The following HOTAIR variants were observed in gnomAD, a reference collection of about 807,000 sequenced individuals.
HOTAIR encodes HOX transcript antisense RNA.
chr12:53,965,324 A>T (rs1015655924), intron 5 of HOTAIR, among the ~76,000 whole-genome samples: 2 of 152,264 alleles, frequency 1.3e-5, no homozygotes, highest in Non-Finnish European at 1.5e-5. Context: ...TCTCAGTCCA[A>T]GGCCACTAGG....
exon 3 of HOTAIR, chr12:53,967,320 C>T (rs1388893739): frequency 3.3e-5 from 5 of 152,144 alleles, no homozygotes; most frequent in Admixed American, 3.3e-4. Context: ...GGTCTAAGTC[C>T]CGGGTGGGAG....
At chr12:53,972,559 C>T (rs1311097629) in intron 1 of HOTAIR, among the ~76,000 whole-genome samples, 3 of 152,182 alleles carry the variant, frequency 2.0e-5, no homozygotes, top group Non-Finnish European at 2.9e-5. Flanking sequence ...GATACTCTTC[C>T]GGGAGTCTCT....
chr12:53,973,557 C>T lies in HOTAIR; in HGVS notation n.59+1341G>A, dbSNP rs779682909. On this transcript the variant is annotated intron_variant and non_coding_transcript_variant, in intron 1 of 6. Coordinates refer to ENST00000424518, the Ensembl canonical transcript of HOTAIR. This position sits in a 1 kb window ranked among gnomAD's most constrained non-coding sequence, Gnocchi z 4.3. Reference sequence around the variant, plus strand: ...CGAGCTTATGCACCGGGAGTGCCTGCCTCCTTCCACCGTCACCGAGATCCT... The same window carrying T: ...CGAGCTTATGCACCGGGAGTGCCTGTCTCCTTCCACCGTCACCGAGATCCT... 5 of 1,613,000 alleles carry T rather than the reference C, an allele frequency of 3.1e-6. No homozygotes were observed. Among genetic ancestry groups the T allele is most frequent in the Admixed American group, 3.3e-5 (2 of 60,010 alleles).
chr12:53,966,636 A>C (rs1333442766), intron 3 of HOTAIR: 1 of 152,294 alleles, frequency 6.6e-6, no homozygotes, highest in African/African-American at 2.4e-5. Context: ...AAGATGCTGC[A>C]GTCGGTGGAA....
rs1939185013 is a variant in HOTAIR, at chr12:53,973,444, C to A, written n.59+1454G>T. 1 of 1,614,070 alleles carries A rather than the reference C, an allele frequency of 6.2e-7. No homozygotes were observed. The highest frequency in any genetic ancestry group is 1.1e-5 in the South Asian group (1 of 91,084). ...TCCTATCCCTACTCGGCCCAAGTGC[C>A]CCCGGTCCGGGAGGTCTCCTACGGC... On this transcript the variant is annotated intron_variant and non_coding_transcript_variant, in intron 1 of 6. Coordinates refer to ENST00000424518, the Ensembl canonical transcript of HOTAIR. The surrounding 1 kb of genome is among the most constrained non-coding windows in gnomAD (Gnocchi z 4.3).
chr12:53,964,035 C>T (rs908729786), exon 7 of HOTAIR: 10 of 152,314 alleles, frequency 6.6e-5, no homozygotes, highest in African/African-American at 2.2e-4. Context: ...CTTTCACCTT[C>T]GTCTGGCGCT....
intron 3 of HOTAIR, chr12:53,966,575 G>C (rs1029482997): frequency 6.6e-6 from 1 of 152,362 alleles, no homozygotes; most frequent in Non-Finnish European, 1.5e-5. Flanking sequence ...AAGAAAGGGG[G>C]AGAAGCAGGA....
Position 53,973,240 on chromosome 12 carries a change from C to A in HOTAIR, n.59+1658G>T. On this transcript the variant is annotated intron_variant and non_coding_transcript_variant, in intron 1 of 6. Coordinates refer to ENST00000424518, the Ensembl canonical transcript of HOTAIR. The surrounding 1 kb of genome is among the most constrained non-coding windows in gnomAD (Gnocchi z 4.3). ...ATCCGGAGCCGGCAGGAGAGGAGAA[C>A]GATGTTTAACTCGGTCAACCTGGGC... The A allele has an allele frequency of 6.3e-7, 1 of 1,575,372 alleles. No homozygotes were observed. Among genetic ancestry groups the A allele is most frequent in the Non-Finnish European group, 8.6e-7 (1 of 1,163,218 alleles).
chr12:53,973,817 G>T lies in HOTAIR; in HGVS notation n.59+1081C>A. The stretch of plus-strand genomic sequence containing the variant: ...CCCCGGCCTCGGGACTGGCGTCCCG[G>T]GCTGAGGCGGGTGCCGAGGCGGAGG... On this transcript the variant is annotated intron_variant and non_coding_transcript_variant, in intron 1 of 6. Coordinates refer to ENST00000424518, the Ensembl canonical transcript of HOTAIR. This position sits in a 1 kb window ranked among gnomAD's most constrained non-coding sequence, Gnocchi z 4.3. 6.5e-7 allele frequency: 1 copy of T among 1,540,878 alleles called. No homozygotes were observed.
intron 3 of HOTAIR, among the ~76,000 whole-genome samples, chr12:53,966,846 A>G (rs939538309): frequency 1.3e-5 from 2 of 152,130 alleles, no homozygotes; most frequent in Admixed American, 6.5e-5. Context: ...AGACCGAAAG[A>G]GCCCCGTATC....
Position 53,973,903 on chromosome 12 carries a change from C to G in HOTAIR, n.59+995G>C. On this transcript the variant is annotated intron_variant and non_coding_transcript_variant, in intron 1 of 6. Coordinates refer to ENST00000424518, the Ensembl canonical transcript of HOTAIR. The surrounding 1 kb of genome is among the most constrained non-coding windows in gnomAD (Gnocchi z 4.3). ...TCAGCCCACTCCGTGGCCAAGGAGC[C>G]GGCCAAAGGAGCCGCCCCCAGTAGG... The G allele has an allele frequency of 2.1e-6, 3 of 1,444,996 alleles. No homozygotes were observed. Among genetic ancestry groups the G allele is most frequent in the African/African-American group, 1.4e-5 (1 of 69,134 alleles). The allele number at this position is 1,444,996 out of a possible 1,614,324, so 89.5% of individuals were successfully genotyped here.
chr12:53,974,071 G>C, intron 1 of HOTAIR: 1 of 404,098 alleles, frequency 2.5e-6, no homozygotes, highest in East Asian at 7.5e-5. Flanking sequence ...GCATTCAAAG[G>C]ATTTTATTAT....
chr12:53,971,731 G>C (rs1939150570), intron 1 of HOTAIR, among the ~76,000 whole-genome samples: 1 of 152,224 alleles, frequency 6.6e-6, no homozygotes, highest in African/African-American at 2.4e-5. Flanking sequence ...AGCTCATGCT[G>C]GTTGCTTTTG....
Position 53,973,940 on chromosome 12 carries a change from G to A in HOTAIR, n.59+958C>T, listed in dbSNP as rs1201188493. 9.7e-6 allele frequency: 14 copies of A among 1,436,232 alleles called. No homozygotes were observed. Among genetic ancestry groups the A allele is most frequent in the Non-Finnish European group, 1.2e-5 (13 of 1,093,194 alleles). 89.0% of individuals were successfully genotyped at this position (1,436,232 alleles called of 1,614,324 possible). A position where few individuals can be genotyped will look rare whatever the true frequency, so the allele number is the denominator to read the frequency against. ...CCGCCCCCAGTAGGTAGCAGCGGCC[G>A]GGGAACGGGCGGGCAGCGAGGGAGG... On this transcript the variant is annotated intron_variant and non_coding_transcript_variant, in intron 1 of 6. Transcript: ENST00000424518. The surrounding 1 kb of genome is among the most constrained non-coding windows in gnomAD (Gnocchi z 4.3).
Position 53,973,778 on chromosome 12 carries a change from G to A in HOTAIR, n.59+1120C>T, listed in dbSNP as rs763012998. On this transcript the variant is annotated intron_variant and non_coding_transcript_variant, in intron 1 of 6. Coordinates refer to ENST00000424518, the Ensembl canonical transcript of HOTAIR. The surrounding 1 kb of genome is among the most constrained non-coding windows in gnomAD (Gnocchi z 4.3). The stretch of plus-strand genomic sequence containing the variant: ...GCTCCGGCAAGGGCGAGGCCAAGGG[G>A]GAGCCCGAGGCACCCCCGGCCTCGG... The A allele has an allele frequency of 3.6e-5, 58 of 1,606,718 alleles. No individual in the cohort carries two copies. Among genetic ancestry groups the A allele is most frequent in the Middle Eastern group, 1.7e-4 (1 of 6,054 alleles).
At chr12:53,971,587 T>C (rs947715690) in intron 1 of HOTAIR, among the ~76,000 whole-genome samples, 1 of 152,274 alleles carries the variant, frequency 6.6e-6, no homozygotes, top group Non-Finnish European at 1.5e-5. Flanking sequence ...GTTATGGATG[T>C]AAAGAGAGTT....
chr12:53,973,126 G>A lies in HOTAIR; in HGVS notation n.59+1772C>T. On this transcript the variant is annotated intron_variant and non_coding_transcript_variant, in intron 1 of 6. Transcript: ENST00000424518. This position sits in a 1 kb window ranked among gnomAD's most constrained non-coding sequence, Gnocchi z 4.3. ...TATGACAATATCTACTTTGGATCAC[G>A]TGCTCAGAGAGAGAGAGACTAAGAC... The A allele has an allele frequency of 4.0e-6, 3 of 747,168 alleles. 1 individual carries two copies. In the South Asian group the frequency reaches 5.7e-5, roughly 14 times the overall value. 46.3% of individuals were successfully genotyped at this position (747,168 alleles called of 1,614,324 possible). A position where few individuals can be genotyped will look rare whatever the true frequency, so the allele number is the denominator to read the frequency against.
In HOTAIR at chr12:53,973,234, G is replaced by C; in HGVS notation, n.59+1664C>G. The C allele has an allele frequency of 6.4e-7, 1 of 1,562,162 alleles. No individual in the cohort carries two copies. The highest frequency in any genetic ancestry group is 8.6e-7 in the Non-Finnish European group (1 of 1,157,280). On this transcript the variant is annotated intron_variant and non_coding_transcript_variant, in intron 1 of 6. Transcript: ENST00000424518. This position sits in a 1 kb window ranked among gnomAD's most constrained non-coding sequence, Gnocchi z 4.3. ...ACCTCCATCCGGAGCCGGCAGGAGA[G>C]GAGAACGATGTTTAACTCGGTCAAC...
Position 53,973,977 on chromosome 12 carries a change from G to C in HOTAIR, n.59+921C>G. On this transcript the variant is annotated intron_variant and non_coding_transcript_variant, in intron 1 of 6. Coordinates refer to ENST00000424518, the Ensembl canonical transcript of HOTAIR. The surrounding 1 kb of genome is among the most constrained non-coding windows in gnomAD (Gnocchi z 4.3). ...GGCAGCGAGGGAGGGAGCGAGAGAG[G>C]GAGGGCGAGAGAAGGGGGGAGGCAA... is the stretch of plus-strand genomic sequence containing the variant. 7.1e-7 allele frequency: 1 copy of C among 1,404,550 alleles called. No homozygotes were observed. The highest frequency in any genetic ancestry group is 1.5e-5 in the South Asian group (1 of 65,286). The allele number at this position is 1,404,550 out of a possible 1,614,324, so 87.0% of individuals were successfully genotyped here.
Sources: allele counts gnomAD v4.1 joint callset (sites outside exome capture counted in the v4.1 genomes callset), GRCh38; gene constraint gnomAD v4.1.1; non-coding constraint Gnocchi (gnomAD v3.1); transcripts MANE v1.5; gene names NCBI Gene and HGNC (gene_info 2026-07-23, HGNC 2026-07-21).